Variants in RUNX3 observed in about 807,000 individuals in gnomAD.
The protein encoded by RUNX3 is runt-related transcription factor 3.
RUNX3 carries 10 observed loss-of-function variants against 27.7 expected under a neutral mutation model. The ratio of observed to expected loss-of-function variants is 0.36; its 90% CI spans 0.22 to 0.61. RUNX3 has a LOEUF of 0.61. RUNX3 is among the 20% of genes least tolerant of loss of function. The pLI is 0.72. For missense variants in RUNX3, 469 were observed against 629.5 expected (o/e 0.75, Z 2.73); for synonymous variants, 270 against 269.2 (o/e 1.00, Z -0.03).
At position 24,943,764 on chromosome 1, in the gene RUNX3, T is replaced by C. The variant is rs760487813; in HGVS notation, c.59-13912A>G. On this transcript the variant is annotated intron_variant, in intron 2 of 6. Transcript: ENST00000338888. This position sits in a 1 kb window ranked among gnomAD's most constrained non-coding sequence, Gnocchi z 4.6. ...GCTGGTCCCTGAATGTCAGGCCCCC[T>C]GAGGGCAGGGTCCTCAGCCAGGACC... is the stretch of plus-strand genomic sequence containing the variant. Among the ~76,000 whole-genome samples the C allele has an allele frequency of 7.9e-5, 12 of 152,342 alleles. No homozygotes were observed. Among genetic ancestry groups the C allele is most frequent in the Non-Finnish European group, 1.2e-4 (8 of 68,022 alleles).
upstream of RUNX3, among the ~76,000 whole-genome samples, chr1:24,930,476 C>T (rs1641201716): frequency 6.6e-6 from 1 of 151,902 alleles, no homozygotes; most frequent in South Asian, 2.1e-4. This position sits in a 1 kb window ranked among gnomAD's most constrained non-coding sequence, Gnocchi z 4.1. Flanking sequence ...GCCCCAGTGC[C>T]ACAGCCCAGG....
chr1:24,957,706 T>C (rs1641979106), intron 2 of RUNX3, among the ~76,000 whole-genome samples: 1 of 152,252 alleles, frequency 6.6e-6, no homozygotes, highest in Non-Finnish European at 1.5e-5. Context: ...GGCTTGTCTG[T>C]GCCGGGCCCT....
At chr1:24,947,466 CAAAGAG>C (rs1434588753) in intron 2 of RUNX3, among the ~76,000 whole-genome samples, 1 of 152,074 alleles carries the variant, frequency 6.6e-6, no homozygotes, top group African/African-American at 2.4e-5. Context: ...AGTGCTGAGT[CAAAGAG>C]AGAGAGAACC....
chr1:24,911,272 G>A (rs1232605103), intron 3 of RUNX3, among the ~76,000 whole-genome samples: 1 of 152,246 alleles, frequency 6.6e-6, no homozygotes, highest in Non-Finnish European at 1.5e-5. Flanking sequence ...TAGGGCTGGT[G>A]CAAAACCTCA....
intron 2 of RUNX3, among the ~76,000 whole-genome samples, chr1:24,945,039 T>C (rs1038194486): frequency 3.3e-5 from 5 of 152,234 alleles, no homozygotes; most frequent in African/African-American, 9.6e-5. Flanking sequence ...GCTTGACTTA[T>C]GAATTGTCTC....
At position 24,923,419 on chromosome 1, in the gene RUNX3, A is replaced by G. The variant is rs768598770; in HGVS notation, c.440-4075T>C. On this transcript the variant is annotated intron_variant, in intron 2 of 4. Coordinates refer to ENST00000308873, the MANE Select transcript of RUNX3 (RefSeq NM_004350.3). The surrounding 1 kb of genome is among the most constrained non-coding windows in gnomAD (Gnocchi z 5.9). ...CATCCATCCCTCTCTCTCAGCCTCT[A>G]GATATAACTCTGTGCAGGAGTCCCA... Among the ~76,000 whole-genome samples the G allele has an allele frequency of 3.9e-5, 6 of 152,234 alleles. No individual in the cohort carries two copies. Among genetic ancestry groups the G allele is most frequent in the Non-Finnish European group, 7.4e-5 (5 of 68,020 alleles).
Position 24,904,060 on chromosome 1 carries a change from C to A in RUNX3, c.704-1394G>T, listed in dbSNP as rs1040490486. Among the ~76,000 whole-genome samples the A allele has an allele frequency of 2.6e-5, 4 of 152,080 alleles. No individual in the cohort carries two copies. Among genetic ancestry groups the A allele is most frequent in the African/African-American group, 9.7e-5 (4 of 41,408 alleles). On this transcript the variant is annotated intron_variant, in intron 4 of 4. Coordinates refer to ENST00000308873, the MANE Select transcript of RUNX3 (RefSeq NM_004350.3). The surrounding 1 kb of genome is among the most constrained non-coding windows in gnomAD (Gnocchi z 5.7). ...ATTCAGGGCCCTGCCAAGTTGAGGC[C>A]CTGGTGCAGGGCCTCCCTTCTACTC... is the stretch of plus-strand genomic sequence containing the variant.
chr1:24,964,487 C>T (rs771649441), intron 2 of RUNX3: 5 of 1,591,604 alleles, frequency 3.1e-6, no homozygotes, highest in Admixed American at 1.7e-5. Flanking sequence ...AGCTCCCCAC[C>T]CAGGGCCCTG....
chr1:24,911,745 T>C (rs1365411163), intron 3 of RUNX3, among the ~76,000 whole-genome samples: 1 of 152,128 alleles, frequency 6.6e-6, no homozygotes, highest in Non-Finnish European at 1.5e-5. Flanking sequence ...TTCCTGACAC[T>C]TTCCCTTTTG....
At chr1:24,930,834 C>T (rs2124311909), upstream of RUNX3, among the ~76,000 whole-genome samples, 1 of 152,322 alleles carries the variant, frequency 6.6e-6, no homozygotes, top group East Asian at 1.9e-4. The surrounding 1 kb of genome is among the most constrained non-coding windows in gnomAD (Gnocchi z 4.1). Context: ...CACGCCCGGC[C>T]GGCGGCCTTT....
intron 2 of RUNX3, among the ~76,000 whole-genome samples, chr1:24,951,471 T>C (rs1571354805): frequency 6.6e-6 from 1 of 152,290 alleles, no homozygotes; most frequent in East Asian, 1.9e-4. Flanking sequence ...CCACAAATGA[T>C]TACTGGCCCA....
rs1641033279 is a variant in RUNX3, at chr1:24,923,179, C to T, written c.440-3835G>A. The stretch of plus-strand genomic sequence containing the variant: ...CCTGAGGTCACCAGCACTCCTCGGC[C>T]GCTTCCACCAGCTTCCACGCCTGTC... On this transcript the variant is annotated intron_variant, in intron 2 of 4. Transcript: ENST00000308873. The surrounding 1 kb of genome is among the most constrained non-coding windows in gnomAD (Gnocchi z 5.9). Among the ~76,000 whole-genome samples the T allele has an allele frequency of 1.3e-5, 2 of 152,118 alleles. No homozygotes were observed. The highest frequency in any genetic ancestry group is 2.1e-4 in the South Asian group (1 of 4,830).
intron 2 of RUNX3, among the ~76,000 whole-genome samples, chr1:24,947,625 G>C (rs1165502902): frequency 6.6e-6 from 1 of 152,192 alleles, no homozygotes; most frequent in Non-Finnish European, 1.5e-5. Flanking sequence ...GCAGATGGGA[G>C]GCTATTTTTT....
At chr1:24,942,167 T>G (rs1242822610) in intron 2 of RUNX3, among the ~76,000 whole-genome samples, 2 of 151,764 alleles carry the variant, frequency 1.3e-5, no homozygotes, top group East Asian at 3.9e-4. Context: ...AGCTCTGAGC[T>G]TAGATGAGGG....
At position 24,907,254 on chromosome 1, in the gene RUNX3, C is replaced by T. The variant is rs375258223; in HGVS notation, c.703+5G>A. 2.1e-5 allele frequency: 34 copies of T among 1,608,344 alleles called. No homozygotes were observed. Among genetic ancestry groups the T allele is most frequent in the African/African-American group, 5.3e-5 (4 of 74,892 alleles). Reference sequence around the variant, plus strand: ...CCCGCTGCAGCCCCTCCCTCCGTGCCGTACCTTGGATTGGGGTCTGGGGCT... The same window carrying T: ...CCCGCTGCAGCCCCTCCCTCCGTGCTGTACCTTGGATTGGGGTCTGGGGCT... On this transcript the variant is annotated splice_donor_5th_base_variant and intron_variant, in intron 4 of 4. Transcript: ENST00000308873.
rs533916655 is a variant in RUNX3 at position 24,945,525 on chromosome 1, C to T, written c.59-15673G>A. 1.7e-3 allele frequency among the ~76,000 whole-genome samples: 253 copies of T among 152,276 alleles called. 2 individuals are homozygous for T. Among genetic ancestry groups the T allele is most frequent in the African/African-American group, 5.8e-3 (239 of 41,546 alleles). Reference sequence around the variant, plus strand: ...AGTGCTTTACACTTATTAACTCACTCGGTTCTTGCAATAACCCAATGAGGT... The same window carrying T: ...AGTGCTTTACACTTATTAACTCACTTGGTTCTTGCAATAACCCAATGAGGT... On this transcript the variant is annotated intron_variant, in intron 2 of 6. Coordinates refer to the RUNX3 transcript ENST00000338888.
chr1:24,912,531 A>G (rs1488105046), intron 3 of RUNX3, among the ~76,000 whole-genome samples: 1 of 152,112 alleles, frequency 6.6e-6, no homozygotes, highest in East Asian at 1.9e-4. Context: ...ACACCTCTGC[A>G]GGCTAGGGCT....
intron 2 of RUNX3, among the ~76,000 whole-genome samples, chr1:24,963,978 G>A (rs1642186798): frequency 6.6e-6 from 1 of 152,208 alleles, no homozygotes; most frequent in African/African-American, 2.4e-5. Flanking sequence ...GTGCAGCCCA[G>A]CTCTGTGCAG....
At chr1:24,925,285 C>T (rs745909720) in intron 2 of RUNX3, among the ~76,000 whole-genome samples, 1 of 152,136 alleles carries the variant, frequency 6.6e-6, no homozygotes, top group African/African-American at 2.4e-5. Context: ...TCCACCTCTC[C>T]CACTCAGCAG....
Sources: gnomAD v4.1 joint callset for allele counts (sites outside exome capture counted in the v4.1 genomes callset) on GRCh38, gnomAD v4.1.1 for gene constraint, Gnocchi (gnomAD v3.1) non-coding constraint, MANE v1.5 for transcripts, NCBI Gene and HGNC (gene_info 2026-07-23, HGNC 2026-07-21) for gene names.